Variants in SLC44A5 observed in about 807,000 individuals in gnomAD.
SLC44A5 encodes the protein solute carrier family 44 member 5, also known as choline transporter-like protein 5.
In SLC44A5, 57 loss-of-function variants were observed where a neutral mutation model predicts 101.8. That is an observed-to-expected ratio of 0.56 (90% CI 0.45 to 0.70). The LOEUF is 0.70. Ranked by LOEUF, SLC44A5 falls within the 30% of genes least tolerant of loss-of-function variation. The pLI is 0.00. For missense variants in SLC44A5, 737 were observed against 853.1 expected, an observed-to-expected ratio of 0.86 and a Z score of 1.70; for synonymous variants, 281 against 290.9, an observed-to-expected ratio of 0.97 and a Z score of 0.35.
intron 3 of SLC44A5, among the ~76,000 whole-genome samples, chr1:75,389,365 T>A (rs1661630951): frequency 6.6e-6 from 1 of 152,140 alleles, no homozygotes; most frequent in Non-Finnish European, 1.5e-5. Flanking sequence ...AACCACAGAA[T>A]ATACATTCTT....
At chr1:75,341,722 A>C (rs897602751) in intron 3 of SLC44A5, among the ~76,000 whole-genome samples, 1 of 152,148 alleles carries the variant, frequency 6.6e-6, no homozygotes, top group African/African-American at 2.4e-5. Context: ...TTTTCTGCTC[A>C]TGCTCTGACC....
chr1:75,649,637 G>C, the SLC44A5 span, among the ~76,000 whole-genome samples: 1 of 152,152 alleles, frequency 6.6e-6, no homozygotes, highest in Non-Finnish European at 1.5e-5. Flanking sequence ...TAGCAGAATG[G>C]TCATGGCCAA....
At chr1:75,536,344 A>C (rs1390003847) in intron 2 of SLC44A5, among the ~76,000 whole-genome samples, 1 of 152,148 alleles carries the variant, frequency 6.6e-6, no homozygotes, top group Non-Finnish European at 1.5e-5. Flanking sequence ...TCACGCCTGT[A>C]ATCCCAGCCC....
At chr1:75,543,594 AATAT>A (rs66888418) in intron 1 of SLC44A5, among the ~76,000 whole-genome samples, 23,995 of 145,478 alleles carry the variant, frequency 0.16, 2,144 homozygotes, top group Admixed American at 0.24. Flanking sequence ...TATATAAATA[AATAT>A]ATATATATAT....
chr1:75,222,397 A>G lies in SLC44A5; in HGVS notation c.1049T>C (p.Ile350Thr). The change falls in exon 14 of 24, where the codon ATC becomes ACC. Residue 350 changes from isoleucine (I) to threonine (T), a missense_variant. Ile to Thr is a moderately conservative substitution (Grantham distance 89, BLOSUM62 -1). Transcript: ENST00000370859. ...ILMLIFLRNR[I>T]RVAIILLKEG... ...CTTCAGCAGGATAATGGCGACTCGG[A>G]TTCGATTCCTGAGGAAGATCAGCAT... The G allele has an allele frequency of 1.2e-6, 2 of 1,613,836 alleles. 1 individual carries two copies.
intron 3 of SLC44A5, among the ~76,000 whole-genome samples, chr1:75,346,004 G>A (rs554325231): frequency 1.8e-4 from 27 of 152,240 alleles, no homozygotes; most frequent in African/African-American, 5.5e-4. Flanking sequence ...TTTGTTGGGG[G>A]TGAAAGAAAG....
chr1:75,418,838 T>G (rs1663824367), intron 2 of SLC44A5, among the ~76,000 whole-genome samples: 1 of 152,204 alleles, frequency 6.6e-6, no homozygotes, highest in South Asian at 2.1e-4. Context: ...AAACTTCTGC[T>G]TCTAACTGTG....
chr1:75,306,752 T>TTTTTG (rs397980538), intron 4 of SLC44A5, among the ~76,000 whole-genome samples: 1 of 146,128 alleles, frequency 6.8e-6, no homozygotes, highest in South Asian at 2.2e-4. Flanking sequence ...TTTTTTTTTT[T>TTTTTG]GAGACGGAGT....
chr1:75,621,536 A>G, the SLC44A5 span, among the ~76,000 whole-genome samples: 21 of 152,296 alleles, frequency 1.4e-4, no homozygotes, highest in African/African-American at 5.1e-4. Context: ...GAAAAGGTTG[A>G]AAAATATGAC....
chr1:75,376,405 C>A (rs1398932120), intron 3 of SLC44A5, among the ~76,000 whole-genome samples: 4 of 152,158 alleles, frequency 2.6e-5, no homozygotes, highest in Admixed American at 6.5e-5. Flanking sequence ...AACAAAAAGA[C>A]AGCAGTAACC....
intron 2 of SLC44A5, among the ~76,000 whole-genome samples, chr1:75,454,711 T>C (rs1666092391): frequency 6.6e-6 from 1 of 152,018 alleles, no homozygotes; most frequent in South Asian, 2.1e-4. Context: ...ACAAAATAAA[T>C]GTACAAAAAT....
Position 75,452,862 on chromosome 1 carries a change from C to T in SLC44A5, c.14-56241G>A, listed in dbSNP as rs1214989354. ...TGTAACTATCCTAAATCTATATGCA[C>T]CCAAGATTGGAGCACACAGAATCAT... On this transcript the variant is annotated intron_variant, in intron 2 of 23. Coordinates refer to ENST00000370859, the MANE Select transcript of SLC44A5 (RefSeq NM_001130058.2). Among the ~76,000 whole-genome samples, 4 of 152,176 alleles carry T rather than the reference C, an allele frequency of 2.6e-5. No homozygotes were observed. The East Asian group carries it at 7.7e-4, about 29-fold the overall frequency.
chr1:75,407,634 ATGT>A (rs1437599059), intron 2 of SLC44A5, among the ~76,000 whole-genome samples: 2 of 152,072 alleles, frequency 1.3e-5, no homozygotes, highest in East Asian at 3.9e-4. Flanking sequence ...TTAATAAATG[ATGT>A]TGAGAAAACT....
intron 4 of SLC44A5, among the ~76,000 whole-genome samples, chr1:75,304,338 T>C (rs1261855284): frequency 6.6e-6 from 1 of 151,846 alleles, no homozygotes; most frequent in African/African-American, 2.4e-5. Context: ...TTTCAGGTAA[T>C]TATAATTACC....
At chr1:75,342,080 A>G (rs2101039491) in intron 3 of SLC44A5, among the ~76,000 whole-genome samples, 1 of 152,328 alleles carries the variant, frequency 6.6e-6, no homozygotes, top group South Asian at 2.1e-4. Context: ...CTAATGGAGA[A>G]AATGAGGAGA....
chr1:75,225,129 ACACGGGT>A (rs778556301), intron 13 of SLC44A5, among the ~76,000 whole-genome samples: 3 of 152,110 alleles, frequency 2.0e-5, no homozygotes, highest in Non-Finnish European at 2.9e-5. Flanking sequence ...AACACTCTCC[ACACGGGT>A]ACCATTTTAA....
intron 1 of SLC44A5, among the ~76,000 whole-genome samples, chr1:75,543,914 G>C (rs1319142364): frequency 6.6e-6 from 1 of 151,952 alleles, no homozygotes; most frequent in Non-Finnish European, 1.5e-5. Context: ...TCTGTGATGA[G>C]TGACTCAAGC....
At chr1:75,720,360 T>C in the SLC44A5 span, 2 of 152,218 alleles carry the variant, frequency 1.3e-5, no homozygotes, top group Admixed American at 6.5e-5. Flanking sequence ...TTGAAATAGA[T>C]GGGTTAGGGA....
At chr1:75,249,506 C>T (rs965749369) in intron 7 of SLC44A5, among the ~76,000 whole-genome samples, 3 of 152,030 alleles carry the variant, frequency 2.0e-5, no homozygotes, top group Non-Finnish European at 4.4e-5. Flanking sequence ...GACAGAAAAT[C>T]ACCTCCCAGG....
Sources: gnomAD v4.1 joint callset for allele counts (sites outside exome capture counted in the v4.1 genomes callset) on GRCh38, gnomAD v4.1.1 for gene constraint, MANE v1.5 for transcripts, NCBI Gene and HGNC (gene_info 2026-07-23, HGNC 2026-07-21) for gene names.